Variants in FILIP1 observed in about 807,000 individuals in gnomAD.
FILIP1 encodes filamin-A-interacting protein 1.
In FILIP1, 61 loss-of-function variants were observed where a neutral mutation model predicts 102.1. That is an observed-to-expected ratio of 0.60 (90% CI 0.49 to 0.74). The LOEUF is 0.74. Ranked by LOEUF, FILIP1 falls within the 30% of genes least tolerant of loss-of-function variation. FILIP1 has a pLI of 0.00. For synonymous variants in FILIP1, 491 were observed against 526.9 expected (o/e 0.93, Z 0.93); for missense variants, 1,314 against 1,441.2 (o/e 0.91, Z 1.43).
At chr6:75,486,752 A>G (rs1321084061) in intron 1 of FILIP1, among the ~76,000 whole-genome samples, 1 of 152,162 alleles carries the variant, frequency 6.6e-6, no homozygotes, top group African/African-American at 2.4e-5. Flanking sequence ...GAAGCAAATA[A>G]AATCATCCAT....
At chr6:75,390,769 T>C (rs1278690032) in intron 2 of FILIP1, among the ~76,000 whole-genome samples, 2 of 152,172 alleles carry the variant, frequency 1.3e-5, no homozygotes, top group Non-Finnish European at 2.9e-5. Flanking sequence ...ATATCAATAG[T>C]CATGGGCCAT....
At chr6:75,487,579 A>T (rs1046033780) in intron 1 of FILIP1, among the ~76,000 whole-genome samples, 2 of 150,384 alleles carry the variant, frequency 1.3e-5, no homozygotes, top group Non-Finnish European at 3.0e-5. Context: ...TGAAAACCTA[A>T]TTTTTGCATA....
At chr6:75,362,542 T>C (rs562092606) in intron 3 of FILIP1, among the ~76,000 whole-genome samples, 10 of 152,236 alleles carry the variant, frequency 6.6e-5, no homozygotes, top group Non-Finnish European at 1.2e-4. Context: ...CTTTGGTATG[T>C]TTAAAGAGAA....
intron 2 of FILIP1, among the ~76,000 whole-genome samples, chr6:75,395,952 G>A (rs1776446964): frequency 6.6e-6 from 1 of 151,930 alleles, no homozygotes; most frequent in South Asian, 2.1e-4. Flanking sequence ...CCTTGACTTG[G>A]ATGTGGAAAC....
downstream of FILIP1, among the ~76,000 whole-genome samples, chr6:75,307,493 G>A (rs547738065): frequency 1.3e-5 from 2 of 152,154 alleles, no homozygotes; most frequent in Non-Finnish European, 2.9e-5. Context: ...CAGCAAAGGT[G>A]CAGCCTACAT....
intron 2 of FILIP1, among the ~76,000 whole-genome samples, chr6:75,387,266 C>T (rs771542203): frequency 3.4e-4 from 51 of 152,086 alleles, no homozygotes; most frequent in Non-Finnish European, 7.2e-4. Context: ...TCCAGTCTAA[C>T]TTTGATGGGC....
intron 1 of FILIP1, among the ~76,000 whole-genome samples, chr6:75,462,614 C>G (rs762745998): frequency 2.0e-5 from 3 of 151,832 alleles, no homozygotes; most frequent in Non-Finnish European, 4.4e-5. Flanking sequence ...ATACATATAC[C>G]TATACATATT....
intron 2 of FILIP1, among the ~76,000 whole-genome samples, chr6:75,373,402 TG>T (rs1465897852): frequency 6.6e-6 from 1 of 152,248 alleles, no homozygotes; most frequent in Admixed American, 6.5e-5. Flanking sequence ...GCCACTGAAC[TG>T]TACACTTAAA....
exon 7 of FILIP1, chr6:75,295,798 T>G (rs1449647798): frequency 4.8e-6 from 3 of 630,298 alleles, no homozygotes; most frequent in Non-Finnish European, 6.9e-6. Flanking sequence ...AGTAGTAAAA[T>G]ATTTCCAGTA....
chr6:75,465,496 G>A (rs1011377860), intron 1 of FILIP1: 2 of 932,208 alleles, frequency 2.1e-6, no homozygotes, highest in Non-Finnish European at 3.3e-6. Flanking sequence ...TGTCCTGCAA[G>A]AGCTTCAGTG....
intron 4 of FILIP1, among the ~76,000 whole-genome samples, chr6:75,352,056 T>C (rs1369877146): frequency 6.6e-6 from 1 of 152,224 alleles, no homozygotes. Context: ...CCATTTCTCC[T>C]TCCGCAAGGG....
At chr6:75,292,823 C>G (rs1346563969) in exon 7 of FILIP1, 1 of 152,138 alleles carries the variant, frequency 6.6e-6, no homozygotes. Context: ...TCAACCACAG[C>G]ATTAGGAGAA....
chr6:75,372,685 GA>G (rs1356458843), intron 2 of FILIP1, among the ~76,000 whole-genome samples: 31 of 23,416 alleles, frequency 1.3e-3, no homozygotes, highest in African/African-American at 5.9e-3. Context: ...AAGAAAGAAA[GA>G]GAAAGAAAGA....
At chr6:75,491,209 T>C (rs967556340) in intron 1 of FILIP1, among the ~76,000 whole-genome samples, 1 of 152,044 alleles carries the variant, frequency 6.6e-6, no homozygotes, top group Admixed American at 6.6e-5. Flanking sequence ...AGAGAGTAAA[T>C]GTCTTCCAGG....
At chr6:75,375,398 C>T (rs954993907) in intron 2 of FILIP1, among the ~76,000 whole-genome samples, 4 of 152,160 alleles carry the variant, frequency 2.6e-5, no homozygotes, top group Admixed American at 6.5e-5. Context: ...CAACTGTGTT[C>T]GCTGTGCACT....
At chr6:75,339,376 C>T (rs1774346328) in intron 4 of FILIP1, among the ~76,000 whole-genome samples, 1 of 152,146 alleles carries the variant, frequency 6.6e-6, no homozygotes, top group Non-Finnish European at 1.5e-5. Flanking sequence ...TAAACTGAAT[C>T]ACAATCTACT....
At chr6:75,463,164 A>G (rs1204275331) in intron 1 of FILIP1, among the ~76,000 whole-genome samples, 1 of 152,210 alleles carries the variant, frequency 6.6e-6, no homozygotes, top group Non-Finnish European at 1.5e-5. Context: ...GTTCTGGCGT[A>G]TGTGCGGATC....
At chr6:75,462,826 CA>C (rs984451884) in intron 1 of FILIP1, among the ~76,000 whole-genome samples, 7 of 152,086 alleles carry the variant, frequency 4.6e-5, no homozygotes, top group African/African-American at 1.7e-4. Flanking sequence ...TTACTCATTC[CA>C]AAGAAACCAC....
chr6:75,348,890 T>TA (rs1774686817), intron 4 of FILIP1, among the ~76,000 whole-genome samples: 1 of 152,216 alleles, frequency 6.6e-6, no homozygotes, highest in Admixed American at 6.5e-5. Flanking sequence ...TCTCTGTGCT[T>TA]ATATCTTCAT....
Sources: allele counts gnomAD v4.1 joint callset (sites outside exome capture counted in the v4.1 genomes callset), GRCh38; gene constraint gnomAD v4.1.1; transcripts MANE v1.5; gene names NCBI Gene and HGNC (gene_info 2026-07-23, HGNC 2026-07-21).